Variants in PIEZO2 observed in about 807,000 individuals in gnomAD.
The protein encoded by PIEZO2 is piezo-type mechanosensitive ion channel component 2.
PIEZO2 carries 172 observed loss-of-function variants against 337.3 expected under a neutral mutation model. That is an observed-to-expected ratio of 0.51 (90% CI 0.45 to 0.58). PIEZO2 has a LOEUF of 0.58. Ranked by LOEUF, PIEZO2 falls within the 20% of genes least tolerant of loss-of-function variation. The pLI, the probability that PIEZO2 is intolerant of heterozygous loss-of-function variation, is 0.00. For synonymous variants in PIEZO2, 1,251 were observed against 1,228.5 expected (o/e 1.02, Z -0.38); for missense variants, 3,028 against 3,391.3 (o/e 0.89, Z 2.66).
At position 10,715,906 on chromosome 18, in the gene PIEZO2, GACCTGGCTCTTGGCCCGTGCATC is replaced by G. The variant is rs1567978284; in HGVS notation, c.5090-113_5090-91del. 1.1e-5 allele frequency: 12 copies of G among 1,104,290 alleles called. No individual in the cohort carries two copies. The African/African-American group carries it at 1.6e-4, about 15-fold the overall frequency. The allele number at this position is 1,104,290 out of a possible 1,614,324, so 68.4% of individuals were successfully genotyped here. On this transcript the variant is annotated intron_variant, in intron 37 of 55. Coordinates refer to ENST00000674853, the MANE Select transcript of PIEZO2 (RefSeq NM_001378183.1). ...GCCCAGCGATGTTTTACCAAAGCTGGACCTGGCTCTTGGCCCGTGCATCTAATAAGGCATGTGACTCAGATACT... is the reference window on the plus strand; with the variant it reads ...GCCCAGCGATGTTTTACCAAAGCTGGTAATAAGGCATGTGACTCAGATACT...
intron 3 of PIEZO2, among the ~76,000 whole-genome samples, chr18:10,916,121 C>T (rs1179051711): frequency 6.6e-6 from 1 of 152,160 alleles, no homozygotes; most frequent in Admixed American, 6.5e-5. Context: ...CTGATTGGTG[C>T]GTTTACAAAC....
At chr18:11,089,179 C>T (rs2038995633) in intron 1 of PIEZO2, among the ~76,000 whole-genome samples, 1 of 152,120 alleles carries the variant, frequency 6.6e-6, no homozygotes, top group Admixed American at 6.5e-5. Flanking sequence ...ACCTCAATGA[C>T]TACATTTTCC....
chr18:10,920,356 C>T (rs1448188844), intron 3 of PIEZO2, among the ~76,000 whole-genome samples: 9 of 152,078 alleles, frequency 5.9e-5, no homozygotes, highest in African/African-American at 9.7e-5. Flanking sequence ...ATACGGCACT[C>T]GTCAGCAAAA....
intron 7 of PIEZO2, among the ~76,000 whole-genome samples, chr18:10,848,602 C>T (rs2041438968): frequency 6.6e-6 from 1 of 152,160 alleles, no homozygotes; most frequent in Admixed American, 6.5e-5. Flanking sequence ...CATTTTGAAA[C>T]CTCACAATGT....
At position 10,676,141 on chromosome 18, in the gene PIEZO2, C is replaced by T. The variant is rs9957059; in HGVS notation, c.8082-853G>A. Among the ~76,000 whole-genome samples, 9,306 of 152,266 alleles carry T rather than the reference C, an allele frequency of 0.061. 921 individuals are homozygous for T. Among genetic ancestry groups the T allele is most frequent in the African/African-American group, 0.21 (8,578 of 41,504 alleles). ...GACCTCGAGTGACCTCTGCCTCCCA[C>T]AAGCCCAGTGCCTTCAATACATTCT... On this transcript the variant is annotated intron_variant, in intron 53 of 55. Coordinates refer to ENST00000674853, the MANE Select transcript of PIEZO2 (RefSeq NM_001378183.1). This position sits in a 1 kb window ranked among gnomAD's most constrained non-coding sequence, Gnocchi z 5.1.
At chr18:10,931,888 T>C (rs372697566) in intron 3 of PIEZO2, among the ~76,000 whole-genome samples, 5 of 152,244 alleles carry the variant, frequency 3.3e-5, no homozygotes, top group African/African-American at 9.6e-5. Flanking sequence ...AGCTAGTTCC[T>C]CTGGGTTGGG....
In PIEZO2 at chr18:10,694,357, C is replaced by T. The variant is rs2034991174; in HGVS notation, c.7190+1717G>A. Among the ~76,000 whole-genome samples, 3 of 152,136 alleles carry T rather than the reference C, an allele frequency of 2.0e-5. No individual in the cohort carries two copies. In the South Asian group the frequency reaches 6.2e-4, roughly 32 times the overall value. ...ACACTTGAACTGGTTTACTTATGAG[C>T]CACATACGTAAAATCCATTTTTTTT... On this transcript the variant is annotated intron_variant, in intron 47 of 55. Transcript: ENST00000674853.
chr18:10,731,191 A>T (rs1157334431), intron 36 of PIEZO2, among the ~76,000 whole-genome samples: 1 of 61,330 alleles, frequency 1.6e-5, no homozygotes, highest in Admixed American at 1.3e-4. Flanking sequence ...ATATATATAT[A>T]TATATATATA....
chr18:11,123,933 T>C (rs2040107389), intron 1 of PIEZO2, among the ~76,000 whole-genome samples: 1 of 151,628 alleles, frequency 6.6e-6, no homozygotes, highest in Non-Finnish European at 1.5e-5. Context: ...TTTTAAGTGT[T>C]CTCACCACAA....
At position 10,673,394 on chromosome 18, in the gene PIEZO2, T is replaced by C. The variant is rs932837641; in HGVS notation, c.8162-521A>G. On this transcript the variant is annotated intron_variant, in intron 54 of 55. Transcript: ENST00000674853. This position sits in a 1 kb window ranked among gnomAD's most constrained non-coding sequence, Gnocchi z 4.8. ...CATGACAGCCACCATGGGACCAGCA[T>C]TGACAAGGTCTGTTGGCTTAGAGAG... Among the ~76,000 whole-genome samples, 1 of 152,218 alleles carries C rather than the reference T, an allele frequency of 6.6e-6. No homozygotes were observed. Among genetic ancestry groups the C allele is most frequent in the African/African-American group, 2.4e-5 (1 of 41,464 alleles).
Position 10,852,348 on chromosome 18 carries a change from A to G in PIEZO2, c.917+3005T>C, listed in dbSNP as rs550458307. Among the ~76,000 whole-genome samples the G allele has an allele frequency of 2.3e-3, 344 of 151,982 alleles. 2 individuals carry two copies. Among genetic ancestry groups the G allele is most frequent in the African/African-American group, 7.0e-3 (292 of 41,496 alleles). ...ATAAGGTGGGAATGTGTGTGTGTGG[A>G]TGGGTGTGTGTGTGTGTGGGTGTGG... On this transcript the variant is annotated intron_variant, in intron 7 of 55. Transcript: ENST00000674853.
rs1438846755 is a variant in PIEZO2 at position 10,962,017 on chromosome 18, G to A, written c.286+17518C>T. Among the ~76,000 whole-genome samples, 1 of 152,122 alleles carries A rather than the reference G, an allele frequency of 6.6e-6. No individual in the cohort carries two copies. The highest frequency in any genetic ancestry group is 3.2e-3 in the Middle Eastern group (1 of 316). Reference sequence around the variant, plus strand: ...TCAGGTGAACTGCTGCACTCTGTGGGCTCTGTGTAAAGCCATCCAGAAATG... The same window carrying A: ...TCAGGTGAACTGCTGCACTCTGTGGACTCTGTGTAAAGCCATCCAGAAATG... On this transcript the variant is annotated intron_variant, in intron 3 of 55. Transcript: ENST00000674853. This position sits in a 1 kb window ranked among gnomAD's most constrained non-coding sequence, Gnocchi z 4.1.
rs1238657930 is a variant in PIEZO2 at position 11,035,886 on chromosome 18, G to A, written c.160+30241C>T. ...AATAATATCTGTACTCCAAATACTT[G>A]TCAGAGGAATGAACTCCAAATCTCT... On this transcript the variant is annotated intron_variant, in intron 2 of 55. Coordinates refer to ENST00000674853, the MANE Select transcript of PIEZO2 (RefSeq NM_001378183.1). This position sits in a 1 kb window ranked among gnomAD's most constrained non-coding sequence, Gnocchi z 4.3. 6.6e-6 allele frequency among the ~76,000 whole-genome samples: 1 copy of A among 152,180 alleles called. No individual in the cohort carries two copies. The highest frequency in any genetic ancestry group is 1.5e-5 in the Non-Finnish European group (1 of 68,024).
intron 41 of PIEZO2, 67 bp downstream of exon 41, chr18:10,705,269 G>A: frequency 7.0e-7 from 1 of 1,438,460 alleles, no homozygotes; most frequent in South Asian, 1.4e-5. Flanking sequence ...TCTGTATACA[G>A]AATTAGGGCA....
At chr18:10,934,139 C>G (rs529942137) in intron 3 of PIEZO2, among the ~76,000 whole-genome samples, 116 of 152,358 alleles carry the variant, frequency 7.6e-4, no homozygotes, top group Non-Finnish European at 1.3e-3. Context: ...ATATTTCTGA[C>G]TTTGTTAGCT....
intron 2 of PIEZO2, among the ~76,000 whole-genome samples, chr18:11,019,806 T>A (rs1568301572): frequency 6.6e-6 from 1 of 152,238 alleles, no homozygotes; most frequent in African/African-American, 2.4e-5. Context: ...TATCTCATCA[T>A]CTTGTTTGTT....
At chr18:10,835,265 C>T (rs2040971935) in intron 7 of PIEZO2, among the ~76,000 whole-genome samples, 1 of 149,434 alleles carries the variant, frequency 6.7e-6, no homozygotes, top group African/African-American at 2.5e-5. Context: ...AAAGGCCTCT[C>T]CAATGACCTC....
chr18:10,948,344 A>G (rs1323202974), intron 3 of PIEZO2, among the ~76,000 whole-genome samples: 1 of 152,166 alleles, frequency 6.6e-6, no homozygotes, highest in Non-Finnish European at 1.5e-5. Flanking sequence ...GATAAAATTA[A>G]TTTTGTTGAC....
At chr18:11,015,176 G>T (rs965690917) in intron 2 of PIEZO2, among the ~76,000 whole-genome samples, 1 of 146,712 alleles carries the variant, frequency 6.8e-6, no homozygotes, top group Non-Finnish European at 1.5e-5. Context: ...TCCTCAGTGT[G>T]GGGAAGATGT....
Sources: allele counts gnomAD v4.1 joint callset (sites outside exome capture counted in the v4.1 genomes callset), GRCh38; gene constraint gnomAD v4.1.1; non-coding constraint Gnocchi (gnomAD v3.1); transcripts MANE v1.5; gene names NCBI Gene and HGNC (gene_info 2026-07-23, HGNC 2026-07-21).